The following DGKK variants were observed in gnomAD, a reference collection of about 807,000 sequenced individuals.
DGKK encodes diacylglycerol kinase kappa.
DGKK carries 35 observed loss-of-function variants against 92.2 expected under a neutral mutation model. The observed-to-expected ratio is 0.38, with a 90% CI of 0.29 to 0.50. DGKK has a LOEUF of 0.50. Among genes scored for constraint, DGKK ranks in the 20% least tolerant of loss-of-function variants. The pLI is 0.92. For missense variants in DGKK, 910 were observed against 992.2 expected (o/e 0.92, Z 1.11); for synonymous variants, 368 against 360.6 (o/e 1.02, Z -0.23).
intron 24 of DGKK, 144 bp from the exon 25 acceptor site, chrX:50,375,201 ATAG>A (rs782000727): frequency 2.7e-5 from 12 of 447,152 alleles, no homozygotes; most frequent in Non-Finnish European, 4.3e-5. Context: ...TATTCAAAAT[ATAG>A]TACAACTAGC....
intron 25 of DGKK, among the ~76,000 whole-genome samples, chrX:50,374,053 G>A (rs782679924): frequency 8.9e-6 from 1 of 112,201 alleles, no homozygotes; most frequent in South Asian, 3.7e-4. Flanking sequence ...ACCCAGAGAG[G>A]TGAAGTCACA....
In DGKK at chrX:50,388,588, C is replaced by T. The variant is rs1924609942; in HGVS notation, c.1957G>A (p.Ala653Thr). 2 of 1,205,545 alleles carry T rather than the reference C, an allele frequency of 1.7e-6. No individual in the cohort carries two copies. Among genetic ancestry groups the T allele is most frequent in the Non-Finnish European group, 2.2e-6 (2 of 893,084 alleles). Reference protein sequence around the residue: ...AAAIQHLESAATELNKILKAK... With the variant: ...AAAIQHLESATTELNKILKAK... ...TTCAGGATTTTGTTCAACTCGGTGGCTGCAGATTCTAAGTGTTGGATGGCA... is the reference window on the plus strand; with the variant it reads ...TTCAGGATTTTGTTCAACTCGGTGGTTGCAGATTCTAAGTGTTGGATGGCA... Residue 653 changes from alanine (A) to threonine (T), a missense_variant, in exon 13 of 28, where the codon GCC (alanine) becomes ACC (threonine). Coordinates refer to ENST00000611977, the MANE Select transcript of DGKK (RefSeq NM_001013742.4).
intron 1 of DGKK, among the ~76,000 whole-genome samples, chrX:50,459,530 A>G (rs1557233144): frequency 9.0e-6 from 1 of 110,805 alleles, no homozygotes; most frequent in African/African-American, 3.3e-5. Context: ...GGAATATAAT[A>G]AGAAAGCCAT....
At chrX:50,388,644 C>T in intron 12 of DGKK, 26 bp from the exon 13 acceptor site, 1 of 1,097,916 alleles carries the variant, frequency 9.1e-7, no homozygotes, top group Non-Finnish European at 1.2e-6. Flanking sequence ...GTTCTTAGCC[C>T]TGGAATCTTA....
intron 4 of DGKK, among the ~76,000 whole-genome samples, chrX:50,411,040 G>T (rs1241940273): frequency 1.8e-5 from 2 of 111,312 alleles, no homozygotes; most frequent in Non-Finnish European, 3.8e-5. Flanking sequence ...GCACCATGCT[G>T]CAGGAAACAT....
chrX:50,379,391 A>C (rs1455144977), intron 20 of DGKK, among the ~76,000 whole-genome samples: 1 of 110,218 alleles, frequency 9.1e-6, no homozygotes, highest in Non-Finnish European at 1.9e-5. Flanking sequence ...TGGAAAATCC[A>C]AAGCCCAGGC....
At chrX:50,460,402 G>T (rs1557233230) in intron 1 of DGKK, among the ~76,000 whole-genome samples, 5 of 111,466 alleles carry the variant, frequency 4.5e-5, no homozygotes, top group Admixed American at 9.5e-5. Context: ...TCAGTCCTCA[G>T]AACTACTGCC....
At chrX:50,437,864 G>A (rs1487206783) in intron 1 of DGKK, among the ~76,000 whole-genome samples, 1 of 111,213 alleles carries the variant, frequency 9.0e-6, no homozygotes, top group Non-Finnish European at 1.9e-5. Flanking sequence ...AGATCTCTGA[G>A]CCACCATTTC....
At chrX:50,430,609 T>C (rs1569544852) in intron 1 of DGKK, among the ~76,000 whole-genome samples, 1 of 111,482 alleles carries the variant, frequency 9.0e-6, no homozygotes, top group Non-Finnish European at 1.9e-5. Flanking sequence ...GTGTACAGTG[T>C]TCACACAAAA....
chrX:50,450,622 T>C (rs1029890432), intron 1 of DGKK, among the ~76,000 whole-genome samples: 11 of 112,340 alleles, frequency 9.8e-5, no homozygotes, highest in African/African-American at 3.6e-4. Flanking sequence ...CAGCAGTGTA[T>C]ACATGACTAT....
chrX:50,384,638 TA>T (rs1557224776), intron 16 of DGKK, 81 bp downstream of exon 16: 4 of 936,933 alleles, frequency 4.3e-6, no homozygotes, highest in African/African-American at 1.9e-5. Context: ...AGAGGATGCA[TA>T]AAAAATACAT....
chrX:50,456,231 G>A (rs1227441709), intron 1 of DGKK, among the ~76,000 whole-genome samples: 3 of 111,848 alleles, frequency 2.7e-5, no homozygotes, highest in Non-Finnish European at 5.6e-5. Context: ...AGAGGCATTG[G>A]TGAAACAAGT....
rs1465471735 is a variant in DGKK at position 50,365,709 on chromosome X, A to G, written c.*3231T>C. The stretch of plus-strand genomic sequence containing the variant: ...AAATCATATAGCCAAGCAAGGTCTC[A>G]TATAGGATGGAATGGTGCTAATGGG... On this transcript the variant is annotated 3_prime_UTR_variant, in exon 28 of 28. Coordinates refer to ENST00000611977, the MANE Select transcript of DGKK (RefSeq NM_001013742.4). The G allele has an allele frequency of 3.6e-5, 4 of 111,715 alleles. No individual in the cohort carries two copies. Among genetic ancestry groups the G allele is most frequent in the Non-Finnish European group, 7.5e-5 (4 of 53,144 alleles). 9.2% of individuals were successfully genotyped at this position (111,715 alleles called of 1,213,427 possible). A position where few individuals can be genotyped will look rare whatever the true frequency, so the allele number is the denominator to read the frequency against.
At chrX:50,384,615 G>A (rs1924493971) in intron 16 of DGKK, 105 bp downstream of exon 16, 2 of 741,769 alleles carry the variant, frequency 2.7e-6, no homozygotes, top group Admixed American at 5.3e-5. Context: ...TCTACTGCAG[G>A]ATTATGGCTA....
At chrX:50,437,153 G>A (rs1926050606) in intron 1 of DGKK, among the ~76,000 whole-genome samples, 3 of 111,314 alleles carry the variant, frequency 2.7e-5, no homozygotes, top group Admixed American at 9.5e-5. Flanking sequence ...CTGAGAGTGC[G>A]GCTCTCAGTA....
intron 5 of DGKK, 50 bp downstream of exon 5, chrX:50,403,999 C>A: frequency 8.4e-7 from 1 of 1,192,269 alleles, no homozygotes; most frequent in Non-Finnish European, 1.1e-6. Flanking sequence ...GTTCCTTCAT[C>A]CCTATATCTA....
At chrX:50,372,441 A>G (rs1166700702) in intron 25 of DGKK, among the ~76,000 whole-genome samples, 1 of 111,810 alleles carries the variant, frequency 8.9e-6, no homozygotes, top group Non-Finnish European at 1.9e-5. Context: ...GGGAATCTTT[A>G]TTACATGCTT....
At chrX:50,377,222 G>C (rs1924298409) in intron 22 of DGKK, among the ~76,000 whole-genome samples, 1 of 112,398 alleles carries the variant, frequency 8.9e-6, no homozygotes. Context: ...CCATATGAAG[G>C]CATCATGACT....
At chrX:50,408,410 G>A (rs1280798801) in intron 4 of DGKK, among the ~76,000 whole-genome samples, 3 of 111,434 alleles carry the variant, frequency 2.7e-5, no homozygotes, top group African/African-American at 9.8e-5. Context: ...ACGGAGTCTC[G>A]CACCGTGGCC....
Sources: gnomAD v4.1 joint callset for allele counts (sites outside exome capture counted in the v4.1 genomes callset) on GRCh38, gnomAD v4.1.1 for gene constraint, MANE v1.5 for transcripts, NCBI Gene and HGNC (gene_info 2026-07-23, HGNC 2026-07-21) for gene names.